RAB3IL1: variants seen among roughly 807,000 people sequenced by gnomAD.
RAB3IL1 encodes RAB3A interacting protein like 1.
In RAB3IL1, 37 loss-of-function variants were observed where a neutral mutation model predicts 49.2. The observed-to-expected ratio is 0.75, with a 90% CI of 0.58 to 0.99. The LOEUF (loss-of-function observed/expected upper bound fraction) is 0.99. Among genes scored for constraint, RAB3IL1 ranks in the 50% least tolerant of loss-of-function variants. The pLI is 0.00. For synonymous variants in RAB3IL1, 193 were observed against 213.9 expected (o/e 0.90, Z 0.85); for missense variants, 484 against 513.0 (o/e 0.94, Z 0.55).
chr11:61,944,113 G>C, the RAB3IL1 span, among the ~76,000 whole-genome samples: 1 of 148,732 alleles, frequency 6.7e-6, no homozygotes. Flanking sequence ...AAAAACTTTT[G>C]TGCATCAAGG....
At chr11:61,926,364 A>T in the RAB3IL1 span, among the ~76,000 whole-genome samples, 14 of 152,242 alleles carry the variant, frequency 9.2e-5, no homozygotes, top group African/African-American at 2.9e-4. Flanking sequence ...TTAGGAGGGG[A>T]TTATGTGTAG....
At chr11:61,933,754 C>T in the RAB3IL1 span, among the ~76,000 whole-genome samples, 123 of 151,806 alleles carry the variant, frequency 8.1e-4, no homozygotes, top group African/African-American at 2.5e-3. Flanking sequence ...TGGTGGCTCA[C>T]GGCAACATGG....
chr11:61,902,332 A>T (rs957334606), intron 8 of RAB3IL1, 110 bp downstream of exon 8: 4 of 906,204 alleles, frequency 4.4e-6, no homozygotes, highest in Non-Finnish European at 5.0e-6. Flanking sequence ...AATAAATAAA[A>T]TAAGTAAATC....
chr11:61,919,589 G>T (rs1245568494), upstream of RAB3IL1, among the ~76,000 whole-genome samples: 2 of 152,204 alleles, frequency 1.3e-5, no homozygotes, highest in African/African-American at 4.8e-5. Flanking sequence ...GGCAGCTGCA[G>T]CTGTGTGCAG....
At chr11:61,909,743 G>A (rs939565034) in intron 1 of RAB3IL1, among the ~76,000 whole-genome samples, 1 of 152,248 alleles carries the variant, frequency 6.6e-6, no homozygotes, top group Non-Finnish European at 1.5e-5. Flanking sequence ...CTGGGCTGGG[G>A]TCTGTGCCCT....
chr11:61,920,030 C>T (rs2134373014), upstream of RAB3IL1: 11 of 1,249,082 alleles, frequency 8.8e-6, no homozygotes, highest in East Asian at 3.1e-5. Context: ...TGCCCCAGGT[C>T]CTGAGCTCAC....
the RAB3IL1 span, among the ~76,000 whole-genome samples, chr11:61,936,363 C>T: frequency 8.5e-5 from 13 of 152,276 alleles, no homozygotes; most frequent in South Asian, 6.2e-4. Context: ...ACATTAGAAT[C>T]GAACTATTGA....
chr11:61,924,287 C>T (rs1294898890), upstream of RAB3IL1, among the ~76,000 whole-genome samples: 1 of 152,124 alleles, frequency 6.6e-6, no homozygotes, highest in Admixed American at 6.6e-5. Flanking sequence ...ACTCTCAGCC[C>T]CAGAGATACA....
At position 61,907,965 on chromosome 11, in the gene RAB3IL1, C is replaced by T. The variant is rs1422614879; in HGVS notation, c.264+89G>A. 7 of 1,512,900 alleles carry T rather than the reference C, an allele frequency of 4.6e-6. No individual in the cohort carries two copies. The Admixed American group carries it at 1.4e-4, about 30-fold the overall frequency. The allele number at this position is 1,512,900 out of a possible 1,614,324, so 93.7% of individuals were successfully genotyped here. A position where few individuals can be genotyped will look rare whatever the true frequency, so the allele number is the denominator to read the frequency against. On this transcript the variant is annotated intron_variant, in intron 2 of 9. Transcript: ENST00000394836. ...TGAGGGCACATCCCTCTCCCTTGGG[C>T]ACATCTCTGGGCACCTGATGAGAGC...
intron 1 of RAB3IL1, among the ~76,000 whole-genome samples, chr11:61,913,092 G>GAAT (rs1275899336): frequency 1.3e-5 from 2 of 152,124 alleles, no homozygotes; most frequent in Non-Finnish European, 2.9e-5. Flanking sequence ...AGCTGAGGGG[G>GAAT]AATAGGCAGG....
At chr11:61,923,390 T>G (rs530170008), upstream of RAB3IL1, among the ~76,000 whole-genome samples, 1 of 152,304 alleles carries the variant, frequency 6.6e-6, no homozygotes, top group East Asian at 1.9e-4. Flanking sequence ...GCGTCATTCC[T>G]GCCTGCCCTT....
At chr11:61,899,235 A>G (rs1758883662) in intron 9 of RAB3IL1, 79 bp downstream of exon 9, 3 of 1,447,076 alleles carry the variant, frequency 2.1e-6, no homozygotes, top group African/African-American at 1.4e-5. Context: ...CACTAGGGGC[A>G]GGTGGGCCCA....
At chr11:61,930,212 G>C in the RAB3IL1 span, among the ~76,000 whole-genome samples, 8 of 152,010 alleles carry the variant, frequency 5.3e-5, no homozygotes, top group Non-Finnish European at 1.0e-4. Context: ...AGACTTATAA[G>C]GTCTATGAAA....
In RAB3IL1 at chr11:61,899,226, A is replaced by G. The variant is rs1938771115; in HGVS notation, c.1066+88T>C. 8.5e-6 allele frequency: 12 copies of G among 1,409,402 alleles called. No homozygotes were observed. The East Asian group carries it at 2.9e-4, about 34-fold the overall frequency. The allele number at this position is 1,409,402 out of a possible 1,614,324, so 87.3% of individuals were successfully genotyped here. On this transcript the variant is annotated intron_variant, in intron 9 of 9. Coordinates refer to ENST00000394836, the MANE Select transcript of RAB3IL1 (RefSeq NM_013401.4). ...AGCCTCCTAGCTGAGTCTTGCCTCCACTAGGGGCAGGTGGGCCCAGAGGGC... is the reference window on the plus strand; with the variant it reads ...AGCCTCCTAGCTGAGTCTTGCCTCCGCTAGGGGCAGGTGGGCCCAGAGGGC...
intron 5 of RAB3IL1, among the ~76,000 whole-genome samples, chr11:61,905,946 G>A (rs146709510): frequency 6.6e-6 from 1 of 152,308 alleles, no homozygotes; most frequent in Non-Finnish European, 1.5e-5. Flanking sequence ...AACTGGTGTG[G>A]CCAGCTGAGG....
chr11:61,939,026 A>G, the RAB3IL1 span, among the ~76,000 whole-genome samples: 1 of 152,072 alleles, frequency 6.6e-6, no homozygotes, highest in African/African-American at 2.4e-5. Flanking sequence ...TACACACTAG[A>G]TAAGGACATA....
chr11:61,903,138 C>A (rs1463512894), intron 7 of RAB3IL1, among the ~76,000 whole-genome samples: 1 of 152,136 alleles, frequency 6.6e-6, no homozygotes, highest in African/African-American at 2.4e-5. Flanking sequence ...CAACCCCCAT[C>A]TGGGCCCCAC....
At chr11:61,945,328 T>C in the RAB3IL1 span, among the ~76,000 whole-genome samples, 2 of 152,116 alleles carry the variant, frequency 1.3e-5, no homozygotes, top group East Asian at 3.9e-4. Flanking sequence ...GGAGAACTGA[T>C]TGTTTCTACT....
chr11:61,932,100 A>T, the RAB3IL1 span, among the ~76,000 whole-genome samples: 1 of 151,942 alleles, frequency 6.6e-6, no homozygotes, highest in East Asian at 1.9e-4. Flanking sequence ...AAATACAAAA[A>T]ATTAGCTGGG....
Sources: gnomAD v4.1 joint callset for allele counts (sites outside exome capture counted in the v4.1 genomes callset) on GRCh38, gnomAD v4.1.1 for gene constraint, MANE v1.5 for transcripts, NCBI Gene and HGNC (gene_info 2026-07-23, HGNC 2026-07-21) for gene names.